CALN1: variants seen among roughly 807,000 people sequenced by gnomAD.
CALN1 encodes calcium-binding protein 8.
A neutral mutation model predicts 30.6 loss-of-function variants in CALN1; 17 were observed. The observed-to-expected ratio is 0.56, with a 90% confidence interval of 0.38 to 0.83. The LOEUF is 0.83. CALN1 is among the 40% of genes least tolerant of loss of function. The pLI is 0.00. For missense variants in CALN1, 291 were observed against 354.9 expected (o/e 0.82, Z 1.45); for synonymous variants, 156 against 131.4 (o/e 1.19, Z -1.28).
chr7:71,808,355 T>C (rs373375790), intron 6 of CALN1, among the ~76,000 whole-genome samples: 18 of 151,528 alleles, frequency 1.2e-4, no homozygotes, highest in African/African-American at 4.4e-4. Context: ...ACCATTATGG[T>C]AATAATTATT....
chr7:72,363,757 T>C (rs1803709596), intron 2 of CALN1, among the ~76,000 whole-genome samples: 1 of 146,756 alleles, frequency 6.8e-6, no homozygotes, highest in African/African-American at 2.5e-5. Flanking sequence ...GAGGGAGTCT[T>C]GCTCTGTCAC....
chr7:72,372,582 A>G (rs1804309851), intron 2 of CALN1, among the ~76,000 whole-genome samples: 1 of 152,194 alleles, frequency 6.6e-6, no homozygotes, highest in African/African-American at 2.4e-5. Context: ...ATCAATCTAT[A>G]AACTTTGAGA....
intron 3 of CALN1, among the ~76,000 whole-genome samples, chr7:72,114,185 A>G (rs1807772791): frequency 6.7e-6 from 1 of 149,928 alleles, no homozygotes; most frequent in Non-Finnish European, 1.5e-5. Flanking sequence ...GTTTGAGTCC[A>G]GCTTGGTCAA....
In CALN1 at chr7:71,782,265, T is replaced by A. The variant is rs779993505; in HGVS notation, c.*5510A>T. The A allele has an allele frequency of 1.3e-5, 2 of 152,140 alleles. No homozygotes were observed. The highest frequency in any genetic ancestry group is 2.9e-5 in the Non-Finnish European group (2 of 68,040). The allele number at this position is 152,140 out of a possible 1,614,324, so 9.4% of individuals were successfully genotyped here. A position where few individuals can be genotyped will look rare whatever the true frequency, so the allele number is the denominator to read the frequency against. ...GCCCTCCCTGTAGTAATGAGTGAAT[T>A]CTTACTTTATTAGTTCATGCAATTG... On this transcript the variant is annotated 3_prime_UTR_variant, in exon 7 of 7. Transcript: ENST00000395275.
intron 2 of CALN1, among the ~76,000 whole-genome samples, chr7:72,305,831 ACT>A (rs1491578610): frequency 0.015 from 2,227 of 152,080 alleles, 23 homozygotes; most frequent in Non-Finnish European, 0.018. Context: ...TCTGATGAGG[ACT>A]CTCTTCCTGG....
chr7:72,303,039 C>T (rs1799402185), intron 2 of CALN1, among the ~76,000 whole-genome samples: 1 of 150,858 alleles, frequency 6.6e-6, no homozygotes, highest in South Asian at 2.1e-4. Context: ...TATGATGGTG[C>T]CATTGCACTC....
chr7:72,315,120 A>C (rs1477491187), intron 2 of CALN1, among the ~76,000 whole-genome samples: 1 of 152,088 alleles, frequency 6.6e-6, no homozygotes, highest in Non-Finnish European at 1.5e-5. Flanking sequence ...ACTGCACCCC[A>C]GCCTAGGTGA....
intron 2 of CALN1, among the ~76,000 whole-genome samples, chr7:72,313,078 G>A (rs2968528): frequency 0.32 from 48,425 of 151,800 alleles, 9,642 homozygotes; most frequent in Middle Eastern, 0.52. Flanking sequence ...CAGGTGATCC[G>A]CCCACCTCGG....
intron 4 of CALN1, among the ~76,000 whole-genome samples, chr7:72,081,857 A>C (rs1175171489): frequency 6.6e-6 from 1 of 152,192 alleles, no homozygotes; most frequent in Non-Finnish European, 1.5e-5. Flanking sequence ...TCAAAGAGCT[A>C]AGAAATAAAG....
At chr7:72,250,717 T>TC (rs1310844452) in intron 3 of CALN1, among the ~76,000 whole-genome samples, 1 of 151,812 alleles carries the variant, frequency 6.6e-6, no homozygotes, top group Non-Finnish European at 1.5e-5. Flanking sequence ...TCTCGCTTAC[T>TC]CCCCCTCTTG....
chr7:71,973,661 C>CTCAT, intron 5 of CALN1, among the ~76,000 whole-genome samples: 2 of 151,790 alleles, frequency 1.3e-5, no homozygotes, highest in East Asian at 3.9e-4. Flanking sequence ...ACTGTAAACC[C>CTCAT]TCATTAAGAA....
At chr7:72,334,491 A>G (rs966413015) in intron 2 of CALN1, among the ~76,000 whole-genome samples, 1 of 152,162 alleles carries the variant, frequency 6.6e-6, no homozygotes, top group Non-Finnish European at 1.5e-5. Context: ...AAACTCAACA[A>G]TGAACAGTTG....
At chr7:72,131,148 AGCC>A (rs1424592903) in intron 3 of CALN1, among the ~76,000 whole-genome samples, 1 of 152,180 alleles carries the variant, frequency 6.6e-6, no homozygotes, top group Non-Finnish European at 1.5e-5. Context: ...GAGGCAGAAA[AGCC>A]AGCAGACCAT....
intron 3 of CALN1, among the ~76,000 whole-genome samples, chr7:72,200,067 C>T (rs1186219589): frequency 6.6e-6 from 1 of 152,112 alleles, no homozygotes; most frequent in Non-Finnish European, 1.5e-5. Context: ...TCTGCAATTC[C>T]CCTTATCCTA....
intron 2 of CALN1, among the ~76,000 whole-genome samples, chr7:72,320,202 A>C (rs1672239736): frequency 6.6e-6 from 1 of 152,108 alleles, no homozygotes; most frequent in Non-Finnish European, 1.5e-5. Flanking sequence ...GCAGGCAGAG[A>C]GGGAGGGCCA....
chr7:72,336,879 C>A (rs992733450), intron 2 of CALN1: 11 of 984,994 alleles, frequency 1.1e-5, no homozygotes, highest in Non-Finnish European at 1.3e-5. Flanking sequence ...CCGGCATCCT[C>A]GCTGCCGCCG....
At chr7:71,929,562 C>T (rs145226217) in intron 5 of CALN1, among the ~76,000 whole-genome samples, 93 of 152,276 alleles carry the variant, frequency 6.1e-4, no homozygotes, top group African/African-American at 2.1e-3. Context: ...GTTGATTCCA[C>T]GTCCTTGCTA....
intron 6 of CALN1, among the ~76,000 whole-genome samples, chr7:71,797,194 A>G (rs1039652653): frequency 6.6e-6 from 1 of 152,190 alleles, no homozygotes; most frequent in African/African-American, 2.4e-5. Context: ...CAGAGCCACG[A>G]AAATTCTGAT....
chr7:72,308,348 A>G (rs1446435892), intron 2 of CALN1, among the ~76,000 whole-genome samples: 1 of 117,276 alleles, frequency 8.5e-6, no homozygotes, highest in African/African-American at 3.6e-5. Context: ...TGGGCCACAG[A>G]GTGAGATGCT....
Sources: allele counts gnomAD v4.1 joint callset (sites outside exome capture counted in the v4.1 genomes callset), GRCh38; gene constraint gnomAD v4.1.1; transcripts MANE v1.5; gene names NCBI Gene and HGNC (gene_info 2026-07-23, HGNC 2026-07-21).